Variants in UBE2D3 observed in about 807,000 individuals in gnomAD.
UBE2D3 encodes the protein ubiquitin-conjugating enzyme E2 D3.
A neutral mutation model predicts 22.8 loss-of-function variants in UBE2D3; 2 were observed. The ratio of observed to expected loss-of-function variants is 0.09; its 90% CI spans 0.04 to 0.28. The LOEUF (loss-of-function observed/expected upper bound fraction) is 0.28, where lower values mean the gene tolerates loss of function less well. UBE2D3 is among the 10% of genes least tolerant of loss of function. UBE2D3 has a pLI of 1.00. For synonymous variants in UBE2D3, 56 were observed against 60.4 expected, an observed-to-expected ratio of 0.93 and a Z score of 0.34; for missense variants, 27 against 182.5, an observed-to-expected ratio of 0.15 and a Z score of 4.91.
intron 6 of UBE2D3, among the ~76,000 whole-genome samples, chr4:102,800,948 C>T (rs1030990972): frequency 5.3e-5 from 8 of 151,916 alleles, no homozygotes; most frequent in East Asian, 1.9e-4. Flanking sequence ...ACAGATCTTT[C>T]GAAGATTATA....
rs1215815191 is a variant in UBE2D3, at chr4:102,833,398, T to C, written c.-128-6762A>G. ...ATCTGCCTCAGACAAAATACTATTATGTGTTGCCAACAAGATCATAAACCT... is the reference window on the plus strand; with the variant it reads ...ATCTGCCTCAGACAAAATACTATTACGTGTTGCCAACAAGATCATAAACCT... On this transcript the variant is annotated intron_variant, in intron 1 of 7. Coordinates refer to the UBE2D3 transcript ENST00000338145. Among the ~76,000 whole-genome samples the C allele has an allele frequency of 2.0e-5, 3 of 152,362 alleles. No homozygotes were observed. In the East Asian group the frequency reaches 5.8e-4, roughly 29 times the overall value.
At chr4:102,820,740 A>T (rs1729470618) in intron 2 of UBE2D3, among the ~76,000 whole-genome samples, 1 of 152,138 alleles carries the variant, frequency 6.6e-6, no homozygotes, top group Non-Finnish European at 1.5e-5. Flanking sequence ...CAAAACAAAC[A>T]AACAAACAAA....
intron 2 of UBE2D3, among the ~76,000 whole-genome samples, chr4:102,819,002 A>AAT (rs1729162161): frequency 6.6e-6 from 1 of 152,174 alleles, no homozygotes; most frequent in African/African-American, 2.4e-5. Flanking sequence ...TGAAAACATT[A>AAT]AAGACCTGAA....
At chr4:102,847,340 C>T (rs541809701) in intron 1 of UBE2D3, among the ~76,000 whole-genome samples, 2 of 152,124 alleles carry the variant, frequency 1.3e-5, no homozygotes, top group East Asian at 1.9e-4. Context: ...GGCTGGAGTG[C>T]AGTTGTGCAA....
intron 6 of UBE2D3, among the ~76,000 whole-genome samples, chr4:102,800,561 T>C (rs1442812564): frequency 6.6e-6 from 1 of 152,076 alleles, no homozygotes; most frequent in Non-Finnish European, 1.5e-5. Context: ...GTAGCATGAT[T>C]TGAAAAGAAA....
intron 4 of UBE2D3, chr4:102,809,285 T>C (rs565906341): frequency 1.2e-4 from 28 of 242,944 alleles, no homozygotes; most frequent in Admixed American, 4.3e-4. Context: ...AGCTAGATTA[T>C]TGGCAGCTGC....
chr4:102,818,843 C>A (rs1272177106), intron 2 of UBE2D3, among the ~76,000 whole-genome samples: 1 of 152,012 alleles, frequency 6.6e-6, no homozygotes, highest in Non-Finnish European at 1.5e-5. Flanking sequence ...TTACTGTAGT[C>A]ACTATGGGAT....
intron 2 of UBE2D3, among the ~76,000 whole-genome samples, chr4:102,815,317 G>C (rs1198411339): frequency 6.6e-6 from 1 of 152,086 alleles, no homozygotes; most frequent in Non-Finnish European, 1.5e-5. Flanking sequence ...TGGGATTACA[G>C]GCGTGAGCCA....
chr4:102,804,044 T>C lies in UBE2D3; in HGVS notation c.121-1406A>G, dbSNP rs548227732. Among the ~76,000 whole-genome samples the C allele has an allele frequency of 6.5e-4, 99 of 152,128 alleles. No homozygotes were observed. The South Asian group carries it at 0.014, about 21-fold the overall frequency. On this transcript the variant is annotated intron_variant, in intron 4 of 7. Coordinates refer to ENST00000453744, the MANE Select transcript of UBE2D3 (RefSeq NM_181891.3). Reference sequence around the variant, plus strand: ...TCGGCCTCCCAAAATGTGCTGATTATAGGTGTGAGCTACTGTACCCAGCCA... The same window carrying C: ...TCGGCCTCCCAAAATGTGCTGATTACAGGTGTGAGCTACTGTACCCAGCCA...
chr4:102,858,554 C>T (rs1280818055), intron 1 of UBE2D3, among the ~76,000 whole-genome samples: 2 of 151,466 alleles, frequency 1.3e-5, no homozygotes, highest in African/African-American at 2.4e-5. Context: ...CACAAGGTGT[C>T]GTTTAAAGTT....
At position 102,810,062 on chromosome 4, in the gene UBE2D3, T is replaced by C. The variant is rs1727707793; in HGVS notation, c.25-207A>G. On this transcript the variant is annotated intron_variant, in intron 2 of 7. Transcript: ENST00000453744. ...TAGCTAGAGTTCGTAAAAATATATA[T>C]GCAAACACATTGATACAAAATTTTT... 8 of 521,754 alleles carry C rather than the reference T, an allele frequency of 1.5e-5. No individual in the cohort carries two copies. In the South Asian group the frequency reaches 2.2e-4, roughly 15 times the overall value. The allele number at this position is 521,754 out of a possible 1,614,324, so 32.3% of individuals were successfully genotyped here.
At chr4:102,820,267 A>T (rs1407699658) in intron 2 of UBE2D3, among the ~76,000 whole-genome samples, 3 of 152,224 alleles carry the variant, frequency 2.0e-5, no homozygotes, top group Non-Finnish European at 4.4e-5. Flanking sequence ...TCTGTATAAA[A>T]TATGTAGATG....
At chr4:102,838,807 CAAAAAA>C (rs145975514) in intron 1 of UBE2D3, among the ~76,000 whole-genome samples, 8 of 54,312 alleles carry the variant, frequency 1.5e-4, no homozygotes, top group African/African-American at 5.1e-4. Flanking sequence ...CTGTGCTGGG[CAAAAAA>C]AAAAAAAAAA....
At chr4:102,853,581 A>G (rs1732483874) in intron 1 of UBE2D3, among the ~76,000 whole-genome samples, 1 of 152,162 alleles carries the variant, frequency 6.6e-6, no homozygotes, top group Non-Finnish European at 1.5e-5. Flanking sequence ...CAGTGTATAT[A>G]TTGTTATCTT....
rs574701413 is a variant in UBE2D3, at chr4:102,814,457, C to CTT, written c.25-4604_25-4603dup. Among the ~76,000 whole-genome samples the CTT allele has an allele frequency of 8.7e-4, 104 of 119,112 alleles. 3 individuals carry two copies. Among genetic ancestry groups the CTT allele is most frequent in the African/African-American group, 2.4e-3 (74 of 31,064 alleles). 78.1% of individuals were successfully genotyped at this position (119,112 alleles called of 152,430 possible). ...GCACATGCCACCACACCTGGCTATT[C>CTT]TTTTTTTTTTTTTTTTTTTTGTAGT... On this transcript the variant is annotated intron_variant, in intron 2 of 7. Coordinates refer to ENST00000453744, the MANE Select transcript of UBE2D3 (RefSeq NM_181891.3).
At chr4:102,837,964 T>C (rs1731507449) in intron 1 of UBE2D3, among the ~76,000 whole-genome samples, 1 of 151,736 alleles carries the variant, frequency 6.6e-6, no homozygotes. Context: ...AAAAAATATA[T>C]ACATATTTTT....
chr4:102,865,311 G>A (rs1183771485), intron 1 of UBE2D3, among the ~76,000 whole-genome samples: 1 of 152,024 alleles, frequency 6.6e-6, no homozygotes, highest in Non-Finnish European at 1.5e-5. Flanking sequence ...GGCAAATATG[G>A]TGAAACCTCG....
At chr4:102,815,441 T>C (rs1728657182) in intron 2 of UBE2D3, among the ~76,000 whole-genome samples, 1 of 152,202 alleles carries the variant, frequency 6.6e-6, no homozygotes, top group Admixed American at 6.5e-5. Context: ...TACTTCATTA[T>C]AAATAAAACT....
At chr4:102,864,069 A>G (rs1733032195) in intron 1 of UBE2D3, among the ~76,000 whole-genome samples, 1 of 152,208 alleles carries the variant, frequency 6.6e-6, no homozygotes, top group Non-Finnish European at 1.5e-5. Flanking sequence ...CATACTAACT[A>G]TGCATGTATA....
Sources: gnomAD v4.1 joint callset for allele counts (sites outside exome capture counted in the v4.1 genomes callset) on GRCh38, gnomAD v4.1.1 for gene constraint, MANE v1.5 for transcripts, NCBI Gene and HGNC (gene_info 2026-07-23, HGNC 2026-07-21) for gene names.